The following FHIT variants were observed in gnomAD, a reference collection of about 807,000 sequenced individuals.
FHIT encodes the protein bis(5'-adenosyl)-triphosphatase.
In FHIT, 19 loss-of-function variants were observed where a neutral mutation model predicts 17.9. The observed-to-expected ratio is 1.06, with a 90% confidence interval of 0.74 to 1.56. The LOEUF (loss-of-function observed/expected upper bound fraction) is 1.56, where lower values mean the gene tolerates loss of function less well. FHIT is among the 40% of genes most tolerant of loss of function. The pLI is 0.00. For missense variants in FHIT, 248 were observed against 189.2 expected, an observed-to-expected ratio of 1.31 and a Z score of -1.82; for synonymous variants, 81 against 69.7, an observed-to-expected ratio of 1.16 and a Z score of -0.81.
intron 3 of FHIT, among the ~76,000 whole-genome samples, chr3:61,017,010 G>A (rs989710844): frequency 1.6e-4 from 14 of 86,902 alleles, no homozygotes; most frequent in African/African-American, 8.8e-4. Flanking sequence ...ACAGAGGCTG[G>A]GCCTGGTGGC....
At chr3:60,568,050 A>G (rs4679551) in intron 4 of FHIT, among the ~76,000 whole-genome samples, 26,519 of 152,112 alleles carry the variant, frequency 0.17, 2,739 homozygotes, top group East Asian at 0.35. Context: ...TCAGTGTGGC[A>G]ATTCCTCAGG....
intron 5 of FHIT, among the ~76,000 whole-genome samples, chr3:60,461,388 C>G (rs2032453675): frequency 6.6e-6 from 1 of 152,172 alleles, no homozygotes; most frequent in Non-Finnish European, 1.5e-5. Flanking sequence ...TCTCCAGCAG[C>G]CCCTAGAGAC....
At chr3:60,950,707 C>G (rs1305321098) in intron 3 of FHIT, among the ~76,000 whole-genome samples, 2 of 150,882 alleles carry the variant, frequency 1.3e-5, no homozygotes, top group African/African-American at 2.4e-5. Flanking sequence ...ATTTTTAGTA[C>G]AGATGGGGTT....
At chr3:60,066,530 G>C (rs148520352) in intron 5 of FHIT, among the ~76,000 whole-genome samples, 2 of 149,128 alleles carry the variant, frequency 1.3e-5, no homozygotes, top group Admixed American at 1.4e-4. Flanking sequence ...ATGACCTCCC[G>C]CCCTCTCAAA....
At chr3:60,783,113 A>G (rs1220288767) in intron 4 of FHIT, among the ~76,000 whole-genome samples, 1 of 151,902 alleles carries the variant, frequency 6.6e-6, no homozygotes, top group Non-Finnish European at 1.5e-5. Context: ...CCTCCTAAGT[A>G]GCTGGAACTA....
intron 3 of FHIT, among the ~76,000 whole-genome samples, chr3:60,995,463 C>G (rs1258996382): frequency 1.3e-5 from 2 of 152,152 alleles, no homozygotes; most frequent in East Asian, 3.9e-4. Context: ...GTTGAGCTGC[C>G]AAAGATGAAG....
chr3:60,066,777 C>T (rs1702532696), intron 5 of FHIT, among the ~76,000 whole-genome samples: 2 of 151,440 alleles, frequency 1.3e-5, no homozygotes, highest in Non-Finnish European at 2.9e-5. Flanking sequence ...CTGCCTCAGC[C>T]TCCCGAGTAG....
intron 5 of FHIT, among the ~76,000 whole-genome samples, chr3:60,270,255 T>C (rs1006505051): frequency 1.3e-5 from 2 of 152,222 alleles, no homozygotes; most frequent in East Asian, 3.9e-4. Flanking sequence ...ACAACTGCAG[T>C]TCTTGCTTGC....
At chr3:60,799,999 A>T (rs1250793914) in intron 4 of FHIT, among the ~76,000 whole-genome samples, 1 of 152,198 alleles carries the variant, frequency 6.6e-6, no homozygotes, top group East Asian at 1.9e-4. Flanking sequence ...CATTTGTTGA[A>T]CAAATAAATA....
At chr3:60,395,384 T>C (rs1701396598) in intron 5 of FHIT, among the ~76,000 whole-genome samples, 1 of 152,186 alleles carries the variant, frequency 6.6e-6, no homozygotes, top group Non-Finnish European at 1.5e-5. Context: ...AAGTTTAAAA[T>C]CCTTGTTCAA....
At chr3:60,302,852 T>C (rs1306534862) in intron 5 of FHIT, among the ~76,000 whole-genome samples, 2 of 152,160 alleles carry the variant, frequency 1.3e-5, no homozygotes, top group Non-Finnish European at 2.9e-5. Context: ...AAATTTCTCA[T>C]CAAGCATCAC....
intron 3 of FHIT, among the ~76,000 whole-genome samples, chr3:60,963,486 T>C (rs1276645994): frequency 2.0e-5 from 3 of 152,230 alleles, no homozygotes; most frequent in Admixed American, 2.0e-4. Context: ...TGAATGTGTT[T>C]GCTCTTGCTT....
At chr3:60,931,388 C>T (rs1390843378) in intron 3 of FHIT, among the ~76,000 whole-genome samples, 1 of 152,116 alleles carries the variant, frequency 6.6e-6, no homozygotes, top group Admixed American at 6.6e-5. Context: ...AAAAATAAAA[C>T]ATATTCACAT....
At chr3:60,162,249 T>G (rs895683317) in intron 5 of FHIT, among the ~76,000 whole-genome samples, 1 of 152,210 alleles carries the variant, frequency 6.6e-6, no homozygotes, top group African/African-American at 2.4e-5. Flanking sequence ...AATTTTGTTG[T>G]GTCATTTTAT....
chr3:59,864,847 A>T (rs1205545084), intron 8 of FHIT, among the ~76,000 whole-genome samples: 1 of 151,690 alleles, frequency 6.6e-6, no homozygotes, highest in Non-Finnish European at 1.5e-5. Context: ...AAAAAAAAAC[A>T]TTTTGCATGC....
At chr3:60,391,628 G>A (rs1321455108) in intron 5 of FHIT, among the ~76,000 whole-genome samples, 1 of 152,026 alleles carries the variant, frequency 6.6e-6, no homozygotes, top group Non-Finnish European at 1.5e-5. Context: ...ACTTACCATT[G>A]TGTTACAGCT....
intron 5 of FHIT, among the ~76,000 whole-genome samples, chr3:60,490,035 T>C (rs1446051914): frequency 6.6e-6 from 1 of 152,138 alleles, no homozygotes; most frequent in East Asian, 1.9e-4. Context: ...AAATGAGCAA[T>C]GAATTTCAAA....
At chr3:59,850,104 A>G (rs192293689) in intron 8 of FHIT, among the ~76,000 whole-genome samples, 2 of 152,212 alleles carry the variant, frequency 1.3e-5, no homozygotes, top group South Asian at 2.1e-4. Flanking sequence ...TTAATTTAAT[A>G]AAAATTAGAA....
rs1006088327 is a variant in FHIT, at chr3:61,005,717, G to A, written c.-111+36330C>T. 2.7e-4 allele frequency among the ~76,000 whole-genome samples: 41 copies of A among 152,200 alleles called. 1 individual carries two copies. Among genetic ancestry groups the A allele is most frequent in the Admixed American group, 1.6e-3 (25 of 15,266 alleles). On this transcript the variant is annotated intron_variant, in intron 3 of 9. Coordinates refer to ENST00000492590, the MANE Select transcript of FHIT (RefSeq NM_002012.4). ...ATTTCGGTTTCCCTGTGTGTGAAAC[G>A]CAATAATTATATATGTGGTGCCTAG... is the stretch of plus-strand genomic sequence containing the variant.
Sources: allele counts gnomAD v4.1 joint callset (sites outside exome capture counted in the v4.1 genomes callset), GRCh38; gene constraint gnomAD v4.1.1; transcripts MANE v1.5; gene names NCBI Gene and HGNC (gene_info 2026-07-23, HGNC 2026-07-21).